Variants in GRIK2 observed in about 807,000 individuals in gnomAD.
The protein encoded by GRIK2 is glutamate receptor ionotropic, kainate 2.
In GRIK2, 32 loss-of-function variants were observed where a neutral mutation model predicts 100.3. The observed-to-expected ratio is 0.32, with a 90% CI of 0.24 to 0.43. The LOEUF (loss-of-function observed/expected upper bound fraction) is 0.43. Ranked by LOEUF, GRIK2 falls within the 20% of genes least tolerant of loss-of-function variation. GRIK2 has a pLI of 1.00. For synonymous variants in GRIK2, 417 were observed against 389.4 expected, an observed-to-expected ratio of 1.07 and a Z score of -0.83; for missense variants, 843 against 1,114.9, an observed-to-expected ratio of 0.76 and a Z score of 3.47.
intron 12 of GRIK2, among the ~76,000 whole-genome samples, chr6:101,890,872 A>C (rs1411096718): frequency 6.6e-6 from 1 of 151,490 alleles, no homozygotes; most frequent in East Asian, 1.9e-4. Context: ...ATATTCTTTG[A>C]ATTTTTACGT....
At chr6:101,572,540 C>T (rs1777587311) in intron 2 of GRIK2, among the ~76,000 whole-genome samples, 1 of 151,964 alleles carries the variant, frequency 6.6e-6, no homozygotes, top group Non-Finnish European at 1.5e-5. Context: ...AAATGCTTTG[C>T]CATCACAAGG....
intron 2 of GRIK2, among the ~76,000 whole-genome samples, chr6:101,419,794 T>C (rs768500984): frequency 1.5e-4 from 23 of 152,180 alleles, no homozygotes; most frequent in Non-Finnish European, 3.1e-4. Flanking sequence ...AACTTGAATG[T>C]AGTTGAATTT....
intron 7 of GRIK2, among the ~76,000 whole-genome samples, chr6:101,791,882 T>C (rs1779891350): frequency 6.6e-6 from 1 of 151,866 alleles, no homozygotes; most frequent in Non-Finnish European, 1.5e-5. Context: ...TTTATGAATC[T>C]GGGTGCTCCT....
chr6:101,960,624 TATAA>T (rs1433740288), intron 14 of GRIK2, among the ~76,000 whole-genome samples: 1 of 152,180 alleles, frequency 6.6e-6, no homozygotes, highest in Non-Finnish European at 1.5e-5. Context: ...TAACCTTGGT[TATAA>T]ATACAGTTCC....
chr6:101,416,018 A>T (rs1776124956), intron 2 of GRIK2, among the ~76,000 whole-genome samples: 1 of 151,312 alleles, frequency 6.6e-6, no homozygotes, highest in Admixed American at 6.6e-5. Context: ...CAATCATTTA[A>T]TTAATTTCAC....
chr6:101,695,610 A>T (rs1772429813), intron 7 of GRIK2, among the ~76,000 whole-genome samples: 1 of 152,132 alleles, frequency 6.6e-6, no homozygotes, highest in Admixed American at 6.6e-5. Context: ...TATTAATAGG[A>T]TAAGCATTTA....
At chr6:101,650,758 C>T (rs2128328217) in intron 4 of GRIK2, among the ~76,000 whole-genome samples, 1 of 152,078 alleles carries the variant, frequency 6.6e-6, no homozygotes, top group South Asian at 2.1e-4. Context: ...TTTTAATTCC[C>T]TCTCCCCTTT....
chr6:101,614,283 T>G (rs1779802542), intron 2 of GRIK2, among the ~76,000 whole-genome samples: 1 of 151,744 alleles, frequency 6.6e-6, no homozygotes, highest in Non-Finnish European at 1.5e-5. Flanking sequence ...TTCTTGTCCA[T>G]TTTCTTTTCC....
chr6:101,595,837 A>G (rs1055917996), intron 2 of GRIK2, among the ~76,000 whole-genome samples: 1 of 150,504 alleles, frequency 6.6e-6, no homozygotes, highest in Non-Finnish European at 1.5e-5. Context: ...TATGGGCCTT[A>G]TATTTTCTTG....
At chr6:101,396,650 T>G (rs1220020547) in intron 1 of GRIK2, among the ~76,000 whole-genome samples, 1 of 152,200 alleles carries the variant, frequency 6.6e-6, no homozygotes, top group Non-Finnish European at 1.5e-5. Flanking sequence ...TTACTCTGTG[T>G]AGTAGAAATT....
chr6:101,559,609 A>G (rs552102455), intron 2 of GRIK2, among the ~76,000 whole-genome samples: 21 of 152,300 alleles, frequency 1.4e-4, no homozygotes, highest in Non-Finnish European at 3.1e-4. Context: ...AAGGTTGGGA[A>G]CATAATGCTT....
chr6:102,035,215 TC>T (rs1475769656), intron 14 of GRIK2, 125 bp from the exon 15 acceptor site: 3 of 281,658 alleles, frequency 1.1e-5, no homozygotes, highest in Non-Finnish European at 1.3e-5. Flanking sequence ...ATATATATAT[TC>T]CTTAAAAATT....
chr6:102,047,437 A>G (rs983165932), intron 15 of GRIK2, among the ~76,000 whole-genome samples: 2 of 152,090 alleles, frequency 1.3e-5, no homozygotes, highest in African/African-American at 4.8e-5. Context: ...CATAGATTGG[A>G]AGAATTAATA....
chr6:101,497,650 T>C (rs905096147), intron 2 of GRIK2, among the ~76,000 whole-genome samples: 3 of 152,148 alleles, frequency 2.0e-5, no homozygotes, highest in African/African-American at 7.2e-5. Context: ...TATTAAAGTT[T>C]CATACTTAGT....
intron 14 of GRIK2, among the ~76,000 whole-genome samples, chr6:102,019,547 T>C (rs116619992): frequency 1.9e-3 from 288 of 152,162 alleles, no homozygotes; most frequent in African/African-American, 6.8e-3. Context: ...TGCAGTTGTT[T>C]TTCACAGGTG....
Position 102,056,893 on chromosome 6 carries a change from T to A in GRIK2, c.2562+1313T>A, listed in dbSNP as rs566559456. Among the ~76,000 whole-genome samples the A allele has an allele frequency of 2.1e-3, 321 of 152,058 alleles. 3 individuals are homozygous for A. The highest frequency in any genetic ancestry group is 9.0e-4 in the Non-Finnish European group (61 of 67,918). ...TTTGTCTATGACTGAAATAACAAAT[T>A]AAAGTTTTTGAAGAATTCAGAAAAT... is the stretch of plus-strand genomic sequence containing the variant. On this transcript the variant is annotated intron_variant, in intron 16 of 16. Coordinates refer to ENST00000369134, the MANE Select transcript of GRIK2 (RefSeq NM_021956.5).
chr6:101,424,835 C>T (rs1439694635), intron 2 of GRIK2, among the ~76,000 whole-genome samples: 7 of 151,502 alleles, frequency 4.6e-5, no homozygotes, highest in Non-Finnish European at 7.4e-5. Context: ...TTTGTCCTTG[C>T]GATAGTTTGC....
chr6:101,956,523 C>T (rs1159467966), intron 14 of GRIK2, among the ~76,000 whole-genome samples: 2 of 151,944 alleles, frequency 1.3e-5, no homozygotes, highest in Non-Finnish European at 2.9e-5. Context: ...TTTCAATCCT[C>T]ACTCCCTTCC....
chr6:101,795,809 G>A (rs1449433411), intron 7 of GRIK2, among the ~76,000 whole-genome samples: 7 of 152,202 alleles, frequency 4.6e-5, no homozygotes, highest in Non-Finnish European at 1.0e-4. Context: ...CCTGCCCTTA[G>A]TGTCCCCTGA....
Sources: gnomAD v4.1 joint callset for allele counts (sites outside exome capture counted in the v4.1 genomes callset) on GRCh38, gnomAD v4.1.1 for gene constraint, MANE v1.5 for transcripts, NCBI Gene and HGNC (gene_info 2026-07-23, HGNC 2026-07-21) for gene names.